Variants in ARHGEF10 observed in about 807,000 individuals in gnomAD.
ARHGEF10 encodes Rho guanine nucleotide exchange factor 10.
A neutral mutation model predicts 147.4 loss-of-function variants in ARHGEF10; 140 were observed. The observed-to-expected ratio is 0.95, with a 90% CI of 0.83 to 1.09. The LOEUF (loss-of-function observed/expected upper bound fraction) is 1.09. Among genes scored for constraint, ARHGEF10 ranks in the 50% least tolerant of loss-of-function variants. The pLI is 0.00. For missense variants in ARHGEF10, 2,222 were observed against 1,752.7 expected (o/e 1.27, Z -4.78); for synonymous variants, 902 against 695.8 (o/e 1.30, Z -4.67).
At chr8:1,922,676 G>A (rs1057059462) in intron 18 of ARHGEF10, among the ~76,000 whole-genome samples, 3 of 152,162 alleles carry the variant, frequency 2.0e-5, no homozygotes, top group Non-Finnish European at 2.9e-5. Context: ...GTGGTGTCCC[G>A]GATTTGACGG....
Position 1,957,401 on chromosome 8 carries a change from T to C in ARHGEF10, c.*138T>C. On this transcript the variant is annotated 3_prime_UTR_variant, in exon 29 of 29. Coordinates refer to ENST00000349830, the MANE Select transcript of ARHGEF10 (RefSeq NM_014629.4). ...CAGTATTTGGGGGAGAAACGTGCAA[T>C]AGCGTAATGGTGGTGTCCCTGCCAA... The C allele has an allele frequency of 8.1e-7, 1 of 1,237,032 alleles. No homozygotes were observed. Among genetic ancestry groups the C allele is most frequent in the South Asian group, 1.4e-5 (1 of 71,558 alleles). The allele number at this position is 1,237,032 out of a possible 1,614,324, so 76.6% of individuals were successfully genotyped here.
chr8:1,827,534 G>A (rs1449184369), intron 1 of ARHGEF10, among the ~76,000 whole-genome samples: 2 of 152,088 alleles, frequency 1.3e-5, no homozygotes, highest in Non-Finnish European at 2.9e-5. Context: ...TTGAACTCCC[G>A]ACCTCAAGTG....
upstream of ARHGEF10, among the ~76,000 whole-genome samples, chr8:1,823,600 G>T (rs1004459423): frequency 6.6e-6 from 1 of 152,196 alleles, no homozygotes; most frequent in East Asian, 2.0e-4. Context: ...CAGGCTCTGC[G>T]GGGAGGATCC....
rs747310780 is a variant in ARHGEF10, at chr8:1,956,810, G to A, written c.3582G>A (p.Thr1194=). The change falls in exon 29 of 29, where the codon ACG becomes ACA. Residue 1194 remains threonine, a synonymous_variant. Transcript: ENST00000349830. ...NSPVKFIVLA[T]ALHEKDKDKS... ...CTGTCAAATTCATCGTCCTGGCCAC[G>A]GCTCTGCACGAGAAAGACAAGGACA... The A allele has an allele frequency of 5.6e-6, 9 of 1,613,932 alleles. No homozygotes were observed. The East Asian group carries it at 6.7e-5, about 12-fold the overall frequency.
chr8:1,956,154 G>A (rs903096511), intron 28 of ARHGEF10, among the ~76,000 whole-genome samples: 9 of 152,152 alleles, frequency 5.9e-5, no homozygotes, highest in Admixed American at 6.5e-5. Context: ...TGGGGGTTGC[G>A]GGGCTGTGTG....
chr8:1,891,690 C>T (rs958367644), intron 11 of ARHGEF10, among the ~76,000 whole-genome samples: 5 of 152,198 alleles, frequency 3.3e-5, no homozygotes, highest in Non-Finnish European at 5.9e-5. Flanking sequence ...TGGATTTCTC[C>T]TCTATGACTT....
At chr8:1,867,484 T>A (rs993091388) in intron 6 of ARHGEF10, among the ~76,000 whole-genome samples, 2 of 152,224 alleles carry the variant, frequency 1.3e-5, no homozygotes, top group Non-Finnish European at 1.5e-5. Flanking sequence ...ACTCTATTTT[T>A]ATGTACATTT....
chr8:1,901,103 G>A (rs1810415323), intron 15 of ARHGEF10, among the ~76,000 whole-genome samples: 1 of 152,122 alleles, frequency 6.6e-6, no homozygotes, highest in African/African-American at 2.4e-5. Flanking sequence ...TGTGTCTGGA[G>A]TCATTGTGTG....
rs754740841 is a variant in ARHGEF10, at chr8:1,885,632, T to G, written c.1107T>G (p.Asn369Lys). The part of the protein sequence containing the change: ...DHRSSLEEEQ[N>K]LFIDVDCKHP... ...GATCTTCTCTTGAGGAAGAACAGAA[T>G]TTGTTCATTGATGTTGACTGCAAGC... is the stretch of plus-strand genomic sequence containing the variant. Residue 369 changes from asparagine (N) to lysine (K), a missense_variant, in exon 11 of 29, where the codon AAT becomes AAG. By Grantham distance (94) the Asn-to-Lys change is moderately conservative. Transcript: ENST00000349830. 1 of 1,613,890 alleles carries G rather than the reference T, an allele frequency of 6.2e-7. No individual in the cohort carries two copies. The highest frequency in any genetic ancestry group is 1.7e-5 in the Admixed American group (1 of 60,012).
intron 1 of ARHGEF10, among the ~76,000 whole-genome samples, chr8:1,834,999 C>G (rs1018197811): frequency 6.6e-6 from 1 of 152,246 alleles, no homozygotes; most frequent in Non-Finnish European, 1.5e-5. Context: ...CTGCATCATT[C>G]GCCAAGCGGG....
At chr8:1,855,392 T>TG (rs999949040) in intron 2 of ARHGEF10, among the ~76,000 whole-genome samples, 1 of 151,584 alleles carries the variant, frequency 6.6e-6, no homozygotes, top group African/African-American at 2.4e-5. Context: ...AAACTTTTTT[T>TG]GGGGTGGGGG....
chr8:1,873,136 C>T (rs1270088929), intron 7 of ARHGEF10, among the ~76,000 whole-genome samples: 6 of 152,150 alleles, frequency 3.9e-5, no homozygotes, highest in Non-Finnish European at 5.9e-5. Flanking sequence ...AATGGACCGG[C>T]CATCCATAGC....
rs572801426 is a variant in ARHGEF10, at chr8:1,850,321, G to A, written c.37+6885G>A. On this transcript the variant is annotated intron_variant, in intron 2 of 28. Coordinates refer to ENST00000349830, the MANE Select transcript of ARHGEF10 (RefSeq NM_014629.4). ...ATGGACGGCAAATGCTGAGGAGGGC[G>A]TGGGGCAACCGTGTGGACAGACGGC... 2.4e-4 allele frequency among the ~76,000 whole-genome samples: 34 copies of A among 140,218 alleles called. 4 individuals carry two copies. Among genetic ancestry groups the A allele is most frequent in the African/African-American group, 8.5e-4 (31 of 36,432 alleles). The allele number at this position is 140,218 out of a possible 152,430, so 92.0% of individuals were successfully genotyped here.
chr8:1,915,956 T>C (rs1230977424), intron 18 of ARHGEF10, among the ~76,000 whole-genome samples: 1 of 152,182 alleles, frequency 6.6e-6, no homozygotes, highest in Non-Finnish European at 1.5e-5. Flanking sequence ...AACCTTCTAT[T>C]CAGGGTCACG....
chr8:1,923,707 G>A (rs1490728842), intron 20 of ARHGEF10, 67 bp from the exon 21 acceptor site: 116 of 1,612,450 alleles, frequency 7.2e-5, no homozygotes, highest in Non-Finnish European at 9.8e-5. Flanking sequence ...CAGGCAAAAT[G>A]TGTAATTTAA....
chr8:1,891,605 C>T (rs1809533960), intron 11 of ARHGEF10, among the ~76,000 whole-genome samples: 1 of 152,144 alleles, frequency 6.6e-6, no homozygotes, highest in African/African-American at 2.4e-5. Context: ...TCTGATTGTC[C>T]TCCAGCCCTG....
chr8:1,850,632 A>C (rs558899708), intron 2 of ARHGEF10, among the ~76,000 whole-genome samples: 51 of 152,262 alleles, frequency 3.3e-4, no homozygotes, highest in African/African-American at 1.1e-3. Context: ...GTGGGAGGGC[A>C]GTTTGGTGGC....
At chr8:1,928,001 T>G (rs1585570592) in intron 23 of ARHGEF10, among the ~76,000 whole-genome samples, 1 of 152,160 alleles carries the variant, frequency 6.6e-6, no homozygotes, top group Non-Finnish European at 1.5e-5. Context: ...ATGAGCTACT[T>G]GGGATGCATT....
intron 6 of ARHGEF10, among the ~76,000 whole-genome samples, chr8:1,867,232 A>C (rs1044100861): frequency 2.0e-5 from 3 of 152,218 alleles, no homozygotes; most frequent in African/African-American, 7.2e-5. Context: ...AATAGCCTGA[A>C]GCAAATGTGC....
Sources: gnomAD v4.1 joint callset for allele counts (sites outside exome capture counted in the v4.1 genomes callset) on GRCh38, gnomAD v4.1.1 for gene constraint, MANE v1.5 for transcripts, NCBI Gene and HGNC (gene_info 2026-07-23, HGNC 2026-07-21) for gene names.